UGT3A2: variants seen among roughly 807,000 people sequenced by gnomAD.
The protein encoded by UGT3A2 is UDP glycosyltransferase family 3 member A2, also known as UDP-glycosyltransferase 3A2.
Under a neutral mutation model 39.8 loss-of-function variants are expected in UGT3A2, and 32 were observed. That is an observed-to-expected ratio of 0.80 (90% CI 0.61 to 1.08). The LOEUF (loss-of-function observed/expected upper bound fraction) is 1.08, where lower values mean the gene tolerates loss of function less well. Ranked by LOEUF, UGT3A2 falls within the 50% of genes least tolerant of loss-of-function variation. UGT3A2 has a pLI of 0.00. For synonymous variants in UGT3A2, 241 were observed against 230.7 expected, an observed-to-expected ratio of 1.04 and a Z score of -0.40; for missense variants, 611 against 637.1, an observed-to-expected ratio of 0.96 and a Z score of 0.44.
intron 2 of UGT3A2, among the ~76,000 whole-genome samples, chr5:36,061,863 TAA>T (rs1742715428): frequency 6.6e-6 from 1 of 151,668 alleles, no homozygotes; most frequent in South Asian, 2.1e-4. Context: ...ACCAACAGTG[TAA>T]AAGTGTTCCT....
intron 4 of UGT3A2, among the ~76,000 whole-genome samples, chr5:36,044,768 TAAAC>T (rs1662394499): frequency 6.6e-6 from 1 of 152,092 alleles, no homozygotes; most frequent in Non-Finnish European, 1.5e-5. Flanking sequence ...GGAATAAAGT[TAAAC>T]AAAGAAGTAA....
intron 2 of UGT3A2, among the ~76,000 whole-genome samples, chr5:36,056,748 A>G (rs892134180): frequency 6.6e-6 from 1 of 152,244 alleles, no homozygotes; most frequent in African/African-American, 2.4e-5. Flanking sequence ...AAAATATTTT[A>G]TCATCCTAAT....
In UGT3A2 at chr5:36,035,172, G is replaced by A. The variant is rs1741777940; in HGVS notation, c.*526C>T. 1.2e-5 allele frequency: 2 copies of A among 161,052 alleles called. No individual in the cohort carries two copies. The highest frequency in any genetic ancestry group is 2.8e-5 in the Non-Finnish European group (2 of 72,428). The allele number at this position is 161,052 out of a possible 1,614,324, so 10.0% of individuals were successfully genotyped here. The stretch of plus-strand genomic sequence containing the variant: ...GACCTGTGAGCCTGTGTCCGGCCCT[G>A]AACTCTCAAGCACAGGGCAGGCTTC... On this transcript the variant is annotated 3_prime_UTR_variant, in exon 7 of 7. Coordinates refer to ENST00000282507, the MANE Select transcript of UGT3A2 (RefSeq NM_174914.4).
intron 3 of UGT3A2, among the ~76,000 whole-genome samples, chr5:36,050,028 C>A (rs1395461967): frequency 6.6e-6 from 1 of 151,696 alleles, no homozygotes; most frequent in Non-Finnish European, 1.5e-5. Flanking sequence ...GCAAAAGGAA[C>A]CTGGTTTTTG....
At chr5:36,053,657 C>A (rs976485503) in intron 2 of UGT3A2, among the ~76,000 whole-genome samples, 6 of 152,208 alleles carry the variant, frequency 3.9e-5, no homozygotes, top group African/African-American at 1.4e-4. Context: ...TAACAAATTA[C>A]AACAAACTTA....
chr5:36,056,414 C>T (rs1742514037), intron 2 of UGT3A2, among the ~76,000 whole-genome samples: 1 of 152,206 alleles, frequency 6.6e-6, no homozygotes, highest in East Asian at 1.9e-4. Context: ...CTCCATTCAT[C>T]CCGGGCAGCT....
At position 36,039,312 on chromosome 5, in the gene UGT3A2, T is replaced by C. The variant is rs556555895; in HGVS notation, c.1075+165A>G. ...TTGGCATCTGATCCCATTGGAAGTATAGCCTGGTTTCCCAAGAACTCCAGC... is the reference window on the plus strand; with the variant it reads ...TTGGCATCTGATCCCATTGGAAGTACAGCCTGGTTTCCCAAGAACTCCAGC... On this transcript the variant is annotated intron_variant, in intron 5 of 6. Coordinates refer to ENST00000282507, the MANE Select transcript of UGT3A2 (RefSeq NM_174914.4). 4.6e-5 allele frequency among the ~76,000 whole-genome samples: 7 copies of C among 152,322 alleles called. No individual in the cohort carries two copies. In the East Asian group the frequency reaches 1.2e-3, roughly 25 times the overall value.
intron 2 of UGT3A2, among the ~76,000 whole-genome samples, chr5:36,052,766 A>T (rs985896009): frequency 6.6e-6 from 1 of 152,136 alleles, no homozygotes; most frequent in Non-Finnish European, 1.5e-5. Flanking sequence ...ACCTCACCCT[A>T]TGAGTCATAA....
chr5:36,050,241 G>C (rs1742300815), intron 3 of UGT3A2, among the ~76,000 whole-genome samples: 2 of 151,940 alleles, frequency 1.3e-5, no homozygotes, highest in Non-Finnish European at 2.9e-5. Flanking sequence ...AAGCTTTACT[G>C]ACATATGCCT....
chr5:36,051,610 A>C (rs1300877946), intron 3 of UGT3A2, among the ~76,000 whole-genome samples: 2 of 152,198 alleles, frequency 1.3e-5, no homozygotes, highest in East Asian at 3.9e-4. Flanking sequence ...AAAAGCACTC[A>C]TGCTCATAGT....
rs756592980 is a variant in UGT3A2 at position 36,051,865 on chromosome 5, A to G, written c.311+5T>C. The G allele has an allele frequency of 7.6e-6, 12 of 1,577,128 alleles. No individual in the cohort carries two copies. The East Asian group carries it at 2.7e-4, about 36-fold the overall frequency. On this transcript the variant is annotated splice_donor_5th_base_variant and intron_variant, in intron 3 of 6. Transcript: ENST00000282507. ...TTTTTGTTCAAAGAATAAAAAAACA[A>G]TTACCTGCCACCTAAAGTTTCTTCC...
intron 4 of UGT3A2, among the ~76,000 whole-genome samples, chr5:36,040,605 CAG>C (rs1741976352): frequency 6.6e-6 from 1 of 152,184 alleles, no homozygotes; most frequent in East Asian, 1.9e-4. Flanking sequence ...CAAAGCAACA[CAG>C]GGAAGAATTC....
chr5:36,044,811 A>C (rs1253192534), intron 4 of UGT3A2, among the ~76,000 whole-genome samples: 1 of 152,204 alleles, frequency 6.6e-6, no homozygotes, highest in Admixed American at 6.5e-5. Context: ...ACTATAAAAC[A>C]TTGATGCAAT....
intron 1 of UGT3A2, 74 bp downstream of exon 1, chr5:36,066,622 G>A: frequency 2.5e-6 from 4 of 1,604,798 alleles, no homozygotes; most frequent in Non-Finnish European, 3.4e-6. Flanking sequence ...CTGATCAAGC[G>A]CTGTTCTCTG....
At chr5:36,042,199 A>G (rs1742031481) in intron 4 of UGT3A2, among the ~76,000 whole-genome samples, 1 of 152,116 alleles carries the variant, frequency 6.6e-6, no homozygotes, top group Admixed American at 6.5e-5. Flanking sequence ...ATAATAAGAT[A>G]TAAATAGAAC....
chr5:36,059,567 C>T (rs1228245684), intron 2 of UGT3A2, among the ~76,000 whole-genome samples: 1 of 152,010 alleles, frequency 6.6e-6, no homozygotes. Context: ...TTGCTGGCAC[C>T]TGTGAGATGT....
Position 36,057,470 on chromosome 5 carries a change from T to C in UGT3A2, c.197-5486A>G, listed in dbSNP as rs570978702. 7.2e-5 allele frequency among the ~76,000 whole-genome samples: 11 copies of C among 152,148 alleles called. 1 individual carries two copies. The South Asian group carries it at 2.3e-3, about 32-fold the overall frequency. ...TCCTTGAATTGTTTATAGATTTTGC[T>C]CTGCTTGTATTTGTTAAAGAGTAAA... On this transcript the variant is annotated intron_variant, in intron 2 of 6. Coordinates refer to ENST00000282507, the MANE Select transcript of UGT3A2 (RefSeq NM_174914.4).
intron 6 of UGT3A2, among the ~76,000 whole-genome samples, chr5:36,036,185 G>T (rs1237930471): frequency 6.6e-6 from 1 of 152,196 alleles, no homozygotes; most frequent in Non-Finnish European, 1.5e-5. Context: ...TAAAAAAAGT[G>T]ACTAAGTCCA....
chr5:36,037,585 T>C (rs1481350442), intron 6 of UGT3A2, among the ~76,000 whole-genome samples: 2 of 152,122 alleles, frequency 1.3e-5, no homozygotes, highest in African/African-American at 4.8e-5. Flanking sequence ...AGGTAGGAAG[T>C]GATTCTTAGC....
Sources: gnomAD v4.1 joint callset for allele counts (sites outside exome capture counted in the v4.1 genomes callset) on GRCh38, gnomAD v4.1.1 for gene constraint, MANE v1.5 for transcripts, NCBI Gene and HGNC (gene_info 2026-07-23, HGNC 2026-07-21) for gene names.